Variants in NOXA1 observed in about 807,000 individuals in gnomAD.
NOXA1 encodes the protein NCF2-like protein.
Under a neutral mutation model 64.8 loss-of-function variants are expected in NOXA1, and 56 were observed. That is an observed-to-expected ratio of 0.86 (90% CI 0.70 to 1.08). The LOEUF (loss-of-function observed/expected upper bound fraction) is 1.08. NOXA1 is among the 50% of genes least tolerant of loss of function. The pLI is 0.00. For missense variants in NOXA1, 668 were observed against 658.5 expected, an observed-to-expected ratio of 1.01 and a Z score of -0.16; for synonymous variants, 295 against 294.8, an observed-to-expected ratio of 1.00 and a Z score of -0.01.
intron 8 of NOXA1, among the ~76,000 whole-genome samples, chr9:137,432,776 A>T (rs1287998728): frequency 6.6e-6 from 1 of 152,148 alleles, no homozygotes; most frequent in Non-Finnish European, 1.5e-5. Flanking sequence ...ACCCACCTGG[A>T]GCTGCCACCT....
intron 4 of NOXA1, 100 bp downstream of exon 4, chr9:137,429,116 C>T (rs1838974403): frequency 7.0e-7 from 1 of 1,422,440 alleles, no homozygotes. Context: ...GGAGATGGCC[C>T]TAGTGCCCAG....
chr9:137,428,816 G>C (rs1305492849), intron 3 of NOXA1, 66 bp from the exon 4 acceptor site: 5 of 1,484,056 alleles, frequency 3.4e-6, no homozygotes, highest in Non-Finnish European at 3.6e-6. Context: ...GGAGCTGGGT[G>C]GGGGAACCGG....
chr9:137,433,036 A>G lies in NOXA1; in HGVS notation c.812A>G (p.Gln271Arg), dbSNP rs1317713655. Residue 271 changes from glutamine to arginine, a missense_variant, in exon 9 of 14, where the codon CAG becomes CGG. Transcript: ENST00000683555. ...TSTAYQEQRPQVEQVGKQAPL... is the reference protein window; with the variant it reads ...TSTAYQEQRPRVEQVGKQAPL... ...CCTGTGCTTCTCTTGCAGAGGCCCCAGGTGGAGCAAGTTGGCAAACAGGCT... is the reference window on the plus strand; with the variant it reads ...CCTGTGCTTCTCTTGCAGAGGCCCCGGGTGGAGCAAGTTGGCAAACAGGCT... 1.2e-6 allele frequency: 2 copies of G among 1,612,602 alleles called. No homozygotes were observed. Among genetic ancestry groups the G allele is most frequent in the African/African-American group, 1.3e-5 (1 of 74,920 alleles).
intron 6 of NOXA1, 80 bp downstream of exon 6, chr9:137,430,923 C>T (rs991163512): frequency 1.3e-6 from 2 of 1,555,730 alleles, no homozygotes; most frequent in South Asian, 1.2e-5. Context: ...GCTCTGAGCC[C>T]TCCTGGGGCT....
At position 137,429,279 on chromosome 9, in the gene NOXA1, C is replaced by T. The variant is rs748396276; in HGVS notation, c.508C>T (p.Arg170Trp). The T allele has an allele frequency of 2.1e-5, 33 of 1,550,886 alleles. No individual in the cohort carries two copies. The highest frequency in any genetic ancestry group is 1.4e-4 in the African/African-American group (10 of 73,768). The change falls in exon 5 of 14, where the codon CGG becomes TGG. Residue 170 changes from arginine to tryptophan, a missense_variant. Physicochemically the swap from Arg to Trp is moderately radical, Grantham distance 101. Transcript: ENST00000683555. ...GCTGGATACCCACCCCCTCCAGAGA[C>T]GGGGCTCACTGCCGCCACGGCAGGT... ...LDSALDQVQRRGSLPPRQVPR... is the reference protein window; with the variant it reads ...LDSALDQVQRWGSLPPRQVPR...
intron 1 of NOXA1, among the ~76,000 whole-genome samples, chr9:137,424,627 C>T (rs940777639): frequency 2.6e-5 from 4 of 152,086 alleles, no homozygotes; most frequent in South Asian, 4.2e-4. Flanking sequence ...TTAGTAGAAA[C>T]GGGTTTCACC....
At position 137,423,467 on chromosome 9, in the gene NOXA1, T is replaced by TGGCCCC. The variant is rs1186258964; in HGVS notation, c.-50_-45dup. On this transcript the variant is annotated 5_prime_UTR_variant, in exon 1 of 14. Transcript: ENST00000683555. ...GACCCCGCAGCCCCGCGCCGCCGCC[T>TGGCCCC]GGCCCCGGCCCCGGCCCCTCCGCGG... 5.7e-4 allele frequency: 640 copies of TGGCCCC among 1,116,910 alleles called. 1 individual carries two copies. The highest frequency in any genetic ancestry group is 3.3e-3 in the Admixed American group (73 of 22,064). 69.2% of individuals were successfully genotyped at this position (1,116,910 alleles called of 1,614,324 possible).
chr9:137,434,343 C>T lies in NOXA1; in HGVS notation c.1414C>T (p.Gln472Ter). 2 of 1,600,994 alleles carry T rather than the reference C, an allele frequency of 1.2e-6. No individual in the cohort carries two copies. Among genetic ancestry groups the T allele is most frequent in the South Asian group, 2.2e-5 (2 of 90,270 alleles). The change falls in exon 14 of 14, where the codon CAG becomes TAG. Residue 472 changes from glutamine (Q) to a stop codon, truncating the protein, a stop_gained. Coordinates refer to ENST00000683555, the MANE Select transcript of NOXA1 (RefSeq NM_001256067.2). LOFTEE classifies it high-confidence loss of function. ...CCCCGGCCGCCTGCCCCGATCCCAG[C>T]AGGGAGATCAGCCCTAATGATGCTG... ...GAPGRLPRSQ[Q>*]GDQP
At chr9:137,429,809 C>CGG (rs1410339415) in intron 5 of NOXA1, among the ~76,000 whole-genome samples, 26 of 97,748 alleles carry the variant, frequency 2.7e-4, no homozygotes, top group African/African-American at 1.1e-3. Context: ...AGCGAGGTCC[C>CGG]GGGGGGGTCC....
intron 1 of NOXA1, among the ~76,000 whole-genome samples, chr9:137,425,611 C>G (rs1838820471): frequency 6.6e-6 from 1 of 152,174 alleles, no homozygotes; most frequent in Non-Finnish European, 1.5e-5. Flanking sequence ...GTCTCAAACT[C>G]CTGACCTCAG....
intron 8 of NOXA1, among the ~76,000 whole-genome samples, chr9:137,432,653 GA>G (rs1182886611): frequency 6.6e-6 from 1 of 152,252 alleles, no homozygotes; most frequent in Non-Finnish European, 1.5e-5. Context: ...TGCAGCTGGT[GA>G]ACTGGTCTCC....
intron 8 of NOXA1, among the ~76,000 whole-genome samples, chr9:137,432,432 T>A (rs1401543944): frequency 6.6e-6 from 1 of 151,964 alleles, no homozygotes; most frequent in African/African-American, 2.4e-5. Context: ...TACAAAAAAT[T>A]AGCTGGGCAT....
Position 137,433,041 on chromosome 9 carries a change from G to A in NOXA1, c.817G>A (p.Glu273Lys), listed in dbSNP as rs369944689. The stretch of plus-strand genomic sequence containing the variant: ...GCTTCTCTTGCAGAGGCCCCAGGTG[G>A]AGCAAGTTGGCAAACAGGCTCCTCT... ...TAYQEQRPQV[E>K]QVGKQAPLSP... Residue 273 changes from glutamate (E) to lysine (K), a missense_variant, in exon 9 of 14, where the codon GAG becomes AAG. By Grantham distance (56) the Glu-to-Lys change is moderately conservative (BLOSUM62 1). Transcript: ENST00000683555. 26 of 1,612,666 alleles carry A rather than the reference G, an allele frequency of 1.6e-5. No individual in the cohort carries two copies. Among genetic ancestry groups the A allele is most frequent in the Non-Finnish European group, 1.8e-5 (21 of 1,179,904 alleles).
intron 8 of NOXA1, among the ~76,000 whole-genome samples, 183 bp from the exon 9 acceptor site, chr9:137,432,846 G>A (rs1479304236): frequency 6.6e-6 from 1 of 152,198 alleles, no homozygotes; most frequent in Non-Finnish European, 1.5e-5. Flanking sequence ...TAGGTCTGCA[G>A]GGACCCAGCC....
intron 1 of NOXA1, among the ~76,000 whole-genome samples, chr9:137,425,506 C>T (rs1463929132): frequency 6.6e-6 from 1 of 152,170 alleles, no homozygotes; most frequent in East Asian, 1.9e-4. Context: ...CTGCCTCAAC[C>T]TCCCGAGTAG....
intron 2 of NOXA1, among the ~76,000 whole-genome samples, chr9:137,426,849 T>A (rs984564608): frequency 6.6e-6 from 1 of 152,256 alleles, no homozygotes; most frequent in East Asian, 1.9e-4. Context: ...CAGGCTGGAG[T>A]GCAATTGTGC....
At chr9:137,433,421 C>G in intron 10 of NOXA1, 32 bp from the exon 11 acceptor site, 1 of 1,573,382 alleles carries the variant, frequency 6.4e-7, no homozygotes, top group South Asian at 1.1e-5. Context: ...TGGGCCTCAG[C>G]GACCACCCCT....
chr9:137,427,894 C>T lies in NOXA1; in HGVS notation c.261-139C>T. 3 of 627,296 alleles carry T rather than the reference C, an allele frequency of 4.8e-6. No individual in the cohort carries two copies. The South Asian group carries it at 5.5e-5, about 12-fold the overall frequency. 38.9% of individuals were successfully genotyped at this position (627,296 alleles called of 1,614,324 possible). A position where few individuals can be genotyped will look rare whatever the true frequency, so the allele number is the denominator to read the frequency against. Reference sequence around the variant, plus strand: ...GGCCCACCAGACCTGAGTGTGCAGACCTAGGCACCGCACTGCCCTCCCTCA... The same window carrying T: ...GGCCCACCAGACCTGAGTGTGCAGATCTAGGCACCGCACTGCCCTCCCTCA... On this transcript the variant is annotated intron_variant, in intron 2 of 13. Coordinates refer to ENST00000683555, the MANE Select transcript of NOXA1 (RefSeq NM_001256067.2).
intron 5 of NOXA1, 32 bp from the exon 6 acceptor site, chr9:137,430,752 C>CCCTG (rs1222250903): frequency 8.9e-6 from 14 of 1,579,154 alleles, no homozygotes; most frequent in African/African-American, 1.3e-5. Flanking sequence ...GGCCGCTGAT[C>CCCTG]CCTGACCCAG....
Sources: gnomAD v4.1 joint callset for allele counts (sites outside exome capture counted in the v4.1 genomes callset) on GRCh38, gnomAD v4.1.1 for gene constraint, MANE v1.5 for transcripts, NCBI Gene and HGNC (gene_info 2026-07-23, HGNC 2026-07-21) for gene names.